Variants in BICD1 observed in about 807,000 individuals in gnomAD.
BICD1 encodes protein bicaudal D homolog 1.
Under a neutral mutation model 92.5 loss-of-function variants are expected in BICD1, and 35 were observed. The observed-to-expected ratio is 0.38, with a 90% CI of 0.29 to 0.50. The LOEUF (loss-of-function observed/expected upper bound fraction) is 0.50. Ranked by LOEUF, BICD1 falls within the 20% of genes least tolerant of loss-of-function variation. The probability of loss-of-function intolerance (pLI) is 0.93; values close to 1 mark genes in which losing one functional copy is unlikely to be tolerated. For missense variants in BICD1, 950 were observed against 1,189.8 expected (o/e 0.80, Z 2.97); for synonymous variants, 429 against 465.1 (o/e 0.92, Z 1.00).
At chr12:32,268,335 C>G (rs1947052917) in intron 2 of BICD1, among the ~76,000 whole-genome samples, 1 of 152,048 alleles carries the variant, frequency 6.6e-6, no homozygotes, top group South Asian at 2.1e-4. Flanking sequence ...CACTGAGCCC[C>G]AGATATGAAC....
intron 1 of BICD1, among the ~76,000 whole-genome samples, chr12:32,171,258 A>T (rs1279678776): frequency 6.6e-6 from 1 of 152,206 alleles, no homozygotes; most frequent in East Asian, 1.9e-4. Context: ...CTGGTGTCCC[A>T]TGCCCTTTTC....
At chr12:32,173,211 A>AT (rs1327672274) in intron 1 of BICD1, among the ~76,000 whole-genome samples, 10 of 151,770 alleles carry the variant, frequency 6.6e-5, no homozygotes, top group Admixed American at 2.0e-4. Context: ...CCCCTGGCTA[A>AT]TTTTTTTTGT....
At chr12:32,281,243 A>G (rs1947404578) in intron 2 of BICD1, among the ~76,000 whole-genome samples, 1 of 152,078 alleles carries the variant, frequency 6.6e-6, no homozygotes, top group African/African-American at 2.4e-5. Flanking sequence ...TTTAAGCCAC[A>G]ATTCAAACTT....
chr12:32,367,977 G>A, intron 9 of BICD1: 1 of 480,948 alleles, frequency 2.1e-6, no homozygotes. Flanking sequence ...TCTACAGGCT[G>A]CCTTCAGCCC....
At chr12:32,254,376 C>A (rs1055617223) in intron 2 of BICD1, among the ~76,000 whole-genome samples, 2 of 151,426 alleles carry the variant, frequency 1.3e-5, no homozygotes, top group Admixed American at 6.6e-5. Flanking sequence ...CACTGCCATA[C>A]CCCACCTACC....
At chr12:32,213,399 T>G (rs541803706) in intron 1 of BICD1, among the ~76,000 whole-genome samples, 3 of 152,228 alleles carry the variant, frequency 2.0e-5, no homozygotes, top group African/African-American at 4.8e-5. Flanking sequence ...TGTTGTTGTT[T>G]TTGTTTTTGT....
chr12:32,170,674 T>C (rs1009732821), intron 1 of BICD1, among the ~76,000 whole-genome samples: 2 of 152,222 alleles, frequency 1.3e-5, no homozygotes, highest in East Asian at 1.9e-4. Context: ...AAGGGTCTTA[T>C]CAGTTTGAGG....
chr12:32,275,525 G>A (rs1406266178), intron 2 of BICD1, among the ~76,000 whole-genome samples: 1 of 152,024 alleles, frequency 6.6e-6, no homozygotes, highest in East Asian at 1.9e-4. Context: ...CTTCAAATGG[G>A]GCAACCCCCT....
In BICD1 at chr12:32,125,284, TGTTG is replaced by T. The variant is rs1268090519; in HGVS notation, c.213+17741_213+17744del. ...TCTAATGGTTGATCAGACCCTTGAA[TGTTG>T]AGCTCTTTCCATACTAGACTTGAAT... On this transcript the variant is annotated intron_variant, in intron 1 of 9. Transcript: ENST00000652176. 2.1e-3 allele frequency among the ~76,000 whole-genome samples: 318 copies of T among 152,320 alleles called. 1 individual carries two copies. The highest frequency in any genetic ancestry group is 7.5e-3 in the African/African-American group (310 of 41,570).
At chr12:32,269,685 G>A (rs1430765046) in intron 2 of BICD1, among the ~76,000 whole-genome samples, 2 of 152,188 alleles carry the variant, frequency 1.3e-5, no homozygotes, top group Non-Finnish European at 2.9e-5. Flanking sequence ...TTATAAACCT[G>A]ATGGCTGAGA....
rs78102630 is a variant in BICD1 at position 32,268,332 on chromosome 12, C to T, written c.427-25662C>T. 2.9e-4 allele frequency among the ~76,000 whole-genome samples: 44 copies of T among 152,048 alleles called. No homozygotes were observed. In the East Asian group the frequency reaches 7.9e-3, roughly 27 times the overall value. ...CCATCAGGGTACTATGGACACTGAG[C>T]CCCAGATATGAACAGATGTGCAACT... On this transcript the variant is annotated intron_variant, in intron 2 of 9. Transcript: ENST00000652176.
intron 3 of BICD1, among the ~76,000 whole-genome samples, chr12:32,294,960 T>C (rs902702031): frequency 6.6e-6 from 1 of 151,350 alleles, no homozygotes; most frequent in African/African-American, 2.4e-5. Flanking sequence ...TGGGTACCTG[T>C]AATCTCAGCT....
At chr12:32,326,757 C>T (rs996643530) in intron 4 of BICD1, among the ~76,000 whole-genome samples, 45 of 152,162 alleles carry the variant, frequency 3.0e-4, no homozygotes, top group African/African-American at 1.0e-3. Context: ...GTGGTGCATA[C>T]CTGTAGTCCC....
At chr12:32,336,795 T>C (rs554684683) in intron 6 of BICD1, among the ~76,000 whole-genome samples, 2 of 152,160 alleles carry the variant, frequency 1.3e-5, no homozygotes, top group Admixed American at 1.3e-4. Context: ...GTCCCTGGGG[T>C]TTAAGACATT....
intron 1 of BICD1, among the ~76,000 whole-genome samples, chr12:32,129,824 C>G (rs796729437): frequency 6.6e-6 from 1 of 152,084 alleles, no homozygotes; most frequent in South Asian, 2.1e-4. Context: ...ATGAATTCTA[C>G]TCAGTAGAAA....
Position 32,337,636 on chromosome 12 carries a change from T to TA in BICD1, c.2391dup (p.Glu798ArgfsTer3). On this transcript the variant is annotated frameshift_variant, in exon 7 of 10. Transcript: ENST00000652176. LOFTEE classifies it high-confidence loss of function. The surrounding 1 kb of genome is among the most constrained non-coding windows in gnomAD (Gnocchi z 4.7). ...GCCCTGACCCAGAGGCTGGAGGACT[T>TA]AGAGTTTGACCATGAGCAGTCCCGA... 6.2e-7 allele frequency: 1 copy of TA among 1,614,134 alleles called. No individual in the cohort carries two copies. The highest frequency in any genetic ancestry group is 8.5e-7 in the Non-Finnish European group (1 of 1,180,012).
At chr12:32,167,978 C>T (rs10771923) in intron 1 of BICD1, among the ~76,000 whole-genome samples, 83,619 of 151,628 alleles carry the variant, frequency 0.55, 24,047 homozygotes, top group Middle Eastern at 0.68. Flanking sequence ...ATGTCCTCAA[C>T]AGGTAACATG....
intron 1 of BICD1, among the ~76,000 whole-genome samples, chr12:32,203,159 G>T (rs1247519992): frequency 6.6e-6 from 1 of 152,132 alleles, no homozygotes; most frequent in African/African-American, 2.4e-5. Context: ...TAATTGAAAT[G>T]GATCTGTACT....
intron 1 of BICD1, among the ~76,000 whole-genome samples, chr12:32,123,112 T>C (rs1942212885): frequency 6.6e-6 from 1 of 152,142 alleles, no homozygotes; most frequent in Non-Finnish European, 1.5e-5. Flanking sequence ...CAAAATGCTA[T>C]GGGGGGAAAA....
Sources: gnomAD v4.1 joint callset for allele counts (sites outside exome capture counted in the v4.1 genomes callset) on GRCh38, gnomAD v4.1.1 for gene constraint, Gnocchi (gnomAD v3.1) non-coding constraint, MANE v1.5 for transcripts, NCBI Gene and HGNC (gene_info 2026-07-23, HGNC 2026-07-21) for gene names.